Variants in RNASET2 observed in about 807,000 individuals in gnomAD.
The protein encoded by RNASET2 is ribonuclease T2, also known as ribonuclease 6.
A neutral mutation model predicts 33.9 loss-of-function variants in RNASET2; 28 were observed. The ratio of observed to expected loss-of-function variants is 0.83; its 90% CI spans 0.61 to 1.13. The LOEUF (loss-of-function observed/expected upper bound fraction) is 1.13. Among genes scored for constraint, RNASET2 ranks in the 50% most tolerant of loss-of-function variants. The pLI, the probability that RNASET2 is intolerant of heterozygous loss-of-function variation, is 0.00. For missense variants in RNASET2, 330 were observed against 319.9 expected (o/e 1.03, Z -0.24); for synonymous variants, 123 against 121.0 (o/e 1.02, Z -0.11).
At chr6:166,955,780 C>G (rs1386089121) in intron 1 of RNASET2, 1 of 984,242 alleles carries the variant, frequency 1.0e-6, no homozygotes, top group Non-Finnish European at 1.2e-6. Context: ...CCCAGGGCTC[C>G]CCCCAACCCA....
chr6:166,956,217 C>T lies in RNASET2; in HGVS notation c.-35G>A. The T allele has an allele frequency of 6.5e-7, 1 of 1,527,166 alleles. No individual in the cohort carries two copies. The highest frequency in any genetic ancestry group is 8.9e-7 in the Non-Finnish European group (1 of 1,127,156). 94.6% of individuals were successfully genotyped at this position (1,527,166 alleles called of 1,614,324 possible). A position where few individuals can be genotyped will look rare whatever the true frequency, so the allele number is the denominator to read the frequency against. On this transcript the variant is annotated 5_prime_UTR_variant, in exon 1 of 9. Transcript: ENST00000508775. ...CTGCGGAGAGAACGCTGCCAGCTGC[C>T]GCTCCGGCTCCCACTTCCCACCTGC...
rs1778351714 is a variant in RNASET2 at position 166,929,137 on chromosome 6, T to C, written c.*451A>G. 6.6e-6 allele frequency among the ~76,000 whole-genome samples: 1 copy of C among 152,232 alleles called. No individual in the cohort carries two copies. The highest frequency in any genetic ancestry group is 1.5e-5 in the Non-Finnish European group (1 of 68,034). ...CTGGTCACATGGAACAGACCCAGTC[T>C]GAGCTAGAGACACCCCCCAGGCCCA... On this transcript the variant is annotated 3_prime_UTR_variant, in exon 9 of 9. Transcript: ENST00000508775.
Position 166,928,444 on chromosome 6 carries a change from G to GTT in RNASET2, c.*1142_*1143dup, listed in dbSNP as rs67709006. On this transcript the variant is annotated 3_prime_UTR_variant, in exon 9 of 9. Transcript: ENST00000508775. ...AATATTCACAGGCATTGATACAGCTGTTTTTTTTTTTTTTGTAAATTATGC... is the reference window on the plus strand; with the variant it reads ...AATATTCACAGGCATTGATACAGCTGTTTTTTTTTTTTTTTTGTAAATTATGC... Among the ~76,000 whole-genome samples the GTT allele has an allele frequency of 9.6e-3, 1,393 of 144,544 alleles. 51 individuals are homozygous for GTT. In the East Asian group the frequency reaches 0.11, roughly 12 times the overall value. The allele number at this position is 144,544 out of a possible 152,430, so 94.8% of individuals were successfully genotyped here.
At chr6:166,950,171 T>C (rs2128647060) in intron 2 of RNASET2, among the ~76,000 whole-genome samples, 1 of 152,254 alleles carries the variant, frequency 6.6e-6, no homozygotes, top group East Asian at 1.9e-4. Flanking sequence ...GATCCTTCAG[T>C]GTGGGTCAAA....
chr6:166,955,197 G>GCACACA (rs1279464424), intron 1 of RNASET2, among the ~76,000 whole-genome samples: 2 of 119,074 alleles, frequency 1.7e-5, no homozygotes, highest in East Asian at 2.7e-4. Flanking sequence ...ACGCACACAC[G>GCACACA]CACGCACACA....
In RNASET2 at chr6:166,925,543, C is replaced by A. The variant is rs73041462; in HGVS notation, c.*4045G>T. Reference sequence around the variant, plus strand: ...CAGCCCTTGCCTCCCCCGTCCAGCCCTCACCTCCATCATGCAGCCACTGTC... The same window carrying A: ...CAGCCCTTGCCTCCCCCGTCCAGCCATCACCTCCATCATGCAGCCACTGTC... On this transcript the variant is annotated 3_prime_UTR_variant, in exon 9 of 9. Coordinates refer to ENST00000508775, the MANE Select transcript of RNASET2 (RefSeq NM_003730.6). 0.096 allele frequency among the ~76,000 whole-genome samples: 14,585 copies of A among 152,202 alleles called. 857 individuals carry two copies. Among genetic ancestry groups the A allele is most frequent in the African/African-American group, 0.16 (6,533 of 41,490 alleles).
At position 166,929,214 on chromosome 6, in the gene RNASET2, G is replaced by A. The variant is rs1401903494; in HGVS notation, c.*374C>T. On this transcript the variant is annotated 3_prime_UTR_variant, in exon 9 of 9. Coordinates refer to ENST00000508775, the MANE Select transcript of RNASET2 (RefSeq NM_003730.6). ...TGCGTGGAGCTCTTCGTCTTGACAG[G>A]GTCCCTGCGCCAAGAAGGCAACAGG... Among the ~76,000 whole-genome samples the A allele has an allele frequency of 6.6e-6, 1 of 152,228 alleles. No homozygotes were observed. The highest frequency in any genetic ancestry group is 1.5e-5 in the Non-Finnish European group (1 of 68,040).
chr6:166,932,063 A>C (rs1778458144), intron 7 of RNASET2: 1 of 152,602 alleles, frequency 6.6e-6, no homozygotes, highest in Admixed American at 6.5e-5. Flanking sequence ...CTGTCCATGC[A>C]GGGTCTGATC....
rs931502267 is a variant in RNASET2 at position 166,933,310 on chromosome 6, G to A, written c.492+781C>T. ...ACAAGCATCCCCAGGTAACAAAGGA[G>A]TACAATTTTGTTTACAAAAACAGGC... is the stretch of plus-strand genomic sequence containing the variant. On this transcript the variant is annotated intron_variant, in intron 7 of 8. Coordinates refer to ENST00000508775, the MANE Select transcript of RNASET2 (RefSeq NM_003730.6). This position sits in a 1 kb window ranked among gnomAD's most constrained non-coding sequence, Gnocchi z 4.1. The A allele has an allele frequency of 6.6e-6, 1 of 152,108 alleles. No homozygotes were observed. Among genetic ancestry groups the A allele is most frequent in the Non-Finnish European group, 1.5e-5 (1 of 68,030 alleles). 9.4% of individuals were successfully genotyped at this position (152,108 alleles called of 1,614,324 possible).
chr6:166,943,998 T>C (rs541954222), intron 4 of RNASET2: 4 of 214,986 alleles, frequency 1.9e-5, no homozygotes, highest in Admixed American at 1.1e-4. Flanking sequence ...CACATGCCTG[T>C]AATCCCAGCT....
At chr6:166,943,438 G>A (rs1583225694) in intron 4 of RNASET2, 1 of 352,244 alleles carries the variant, frequency 2.8e-6, no homozygotes, top group Non-Finnish European at 5.5e-6. Context: ...AGTGCAAGAA[G>A]CCAGTCTGCA....
At position 166,938,999 on chromosome 6, in the gene RNASET2, C is replaced by T. The variant is rs778553658; in HGVS notation, c.342G>A (p.Glu114=). Reference sequence around the variant, plus strand: ...CGGCGCAGGTCCCATGCTTTTCCCACTCATGCTTCCTGTGAGGATTAGGAA... The same window carrying T: ...CGGCGCAGGTCCCATGCTTTTCCCATTCATGCTTCCTGTGAGGATTAGGAA... The part of the protein sequence containing the change: ...FPNRSRFWKH[E]WEKHGTCAAQ... The change falls in exon 6 of 9, where the codon GAG becomes GAA. Residue 114 remains glutamate (E), a synonymous_variant. Transcript: ENST00000508775. The T allele has an allele frequency of 1.9e-6, 3 of 1,611,996 alleles. No individual in the cohort carries two copies. The highest frequency in any genetic ancestry group is 2.5e-6 in the Non-Finnish European group (3 of 1,178,910).
chr6:166,938,143 A>G (rs985186577), intron 6 of RNASET2, among the ~76,000 whole-genome samples: 3 of 152,256 alleles, frequency 2.0e-5, no homozygotes, highest in Non-Finnish European at 2.9e-5. Flanking sequence ...CAAAAGCAGC[A>G]ACACAGAGGC....
intron 2 of RNASET2, among the ~76,000 whole-genome samples, chr6:166,952,200 G>A (rs1440020449): frequency 6.6e-6 from 1 of 152,230 alleles, no homozygotes; most frequent in Non-Finnish European, 1.5e-5. Flanking sequence ...CCTTCCAGGA[G>A]GAACCAACCC....
intron 3 of RNASET2, 111 bp from the exon 4 acceptor site, chr6:166,946,850 A>C: frequency 1.4e-6 from 1 of 736,020 alleles, no homozygotes; most frequent in Non-Finnish European, 2.5e-6. Context: ...ATAAAAAGAG[A>C]AATTCTAATT....
At chr6:166,947,017 C>G in intron 3 of RNASET2, among the ~76,000 whole-genome samples, 1 of 152,092 alleles carries the variant, frequency 6.6e-6, no homozygotes, top group East Asian at 1.9e-4. Context: ...AATGGATAGC[C>G]TAGTAGCACC....
rs887101828 is a variant in RNASET2 at position 166,933,130 on chromosome 6, C to T, written c.492+961G>A. The T allele has an allele frequency of 6.6e-6, 1 of 152,200 alleles. No homozygotes were observed. Among genetic ancestry groups the T allele is most frequent in the African/African-American group, 2.4e-5 (1 of 41,452 alleles). 9.4% of individuals were successfully genotyped at this position (152,200 alleles called of 1,614,324 possible). On this transcript the variant is annotated intron_variant, in intron 7 of 8. Coordinates refer to ENST00000508775, the MANE Select transcript of RNASET2 (RefSeq NM_003730.6). The surrounding 1 kb of genome is among the most constrained non-coding windows in gnomAD (Gnocchi z 4.1). ...GTGACTTTCAACCTTTTTCTAAATCCACAACCTGTGATAAATACGAAAACT... is the reference window on the plus strand; with the variant it reads ...GTGACTTTCAACCTTTTTCTAAATCTACAACCTGTGATAAATACGAAAACT...
At chr6:166,937,421 GCCA>G (rs1778594831) in intron 6 of RNASET2, among the ~76,000 whole-genome samples, 1 of 152,176 alleles carries the variant, frequency 6.6e-6, no homozygotes, top group Admixed American at 6.5e-5. Context: ...ACATGCATGA[GCCA>G]CCACACATGG....
chr6:166,927,038 G>A lies in RNASET2; in HGVS notation c.*2550C>T, dbSNP rs890882641. Among the ~76,000 whole-genome samples the A allele has an allele frequency of 1.3e-5, 2 of 152,154 alleles. No homozygotes were observed. The highest frequency in any genetic ancestry group is 4.1e-4 in the South Asian group (2 of 4,828). ...TCCACACATACGAGCCTGAGACCCC[G>A]CTCACATGGGAGGCATTTCTCAGTC... On this transcript the variant is annotated 3_prime_UTR_variant, in exon 9 of 9. Transcript: ENST00000508775.
Sources: gnomAD v4.1 joint callset for allele counts (sites outside exome capture counted in the v4.1 genomes callset) on GRCh38, gnomAD v4.1.1 for gene constraint, Gnocchi (gnomAD v3.1) non-coding constraint, MANE v1.5 for transcripts, NCBI Gene and HGNC (gene_info 2026-07-23, HGNC 2026-07-21) for gene names.